Variants in NAA35 observed in about 807,000 individuals in gnomAD.
NAA35 encodes MAK10 homolog, amino-acid N-acetyltransferase subunit.
A neutral mutation model predicts 101.7 loss-of-function variants in NAA35; 18 were observed. That is an observed-to-expected ratio of 0.18 (90% CI 0.12 to 0.26). NAA35 has a LOEUF of 0.26. NAA35 is among the 10% of genes least tolerant of loss of function. The pLI is 1.00. For synonymous variants in NAA35, 267 were observed against 273.1 expected, an observed-to-expected ratio of 0.98 and a Z score of 0.22; for missense variants, 601 against 886.8, an observed-to-expected ratio of 0.68 and a Z score of 4.09.
chr9:86,017,321 T>G (rs1269692118), intron 18 of NAA35, among the ~76,000 whole-genome samples, 177 bp from the exon 19 acceptor site: 1 of 152,254 alleles, frequency 6.6e-6, no homozygotes. Context: ...GGGACATGAT[T>G]ATTATATTTT....
chr9:85,967,150 CAA>C (rs1029684134), intron 6 of NAA35, among the ~76,000 whole-genome samples: 1 of 151,488 alleles, frequency 6.6e-6, no homozygotes, highest in African/African-American at 2.4e-5. Flanking sequence ...ACAACAATAA[CAA>C]AAAAGGAAGT....
At chr9:85,982,740 T>C (rs985796215) in intron 11 of NAA35, among the ~76,000 whole-genome samples, 2 of 152,216 alleles carry the variant, frequency 1.3e-5, no homozygotes, top group African/African-American at 2.4e-5. Flanking sequence ...GTTGAACACA[T>C]GTATTTGCTT....
chr9:85,996,716 ACTACTCTTTGT>A (rs1275418049), intron 12 of NAA35, 139 bp downstream of exon 12: 14 of 569,926 alleles, frequency 2.5e-5, no homozygotes, highest in African/African-American at 2.1e-4. Context: ...AAGGGTAAAT[ACTACTCTTTGT>A]CTATTTTCTG....
intron 6 of NAA35, among the ~76,000 whole-genome samples, chr9:85,964,862 T>G (rs1002239064): frequency 6.6e-6 from 1 of 152,162 alleles, no homozygotes; most frequent in Non-Finnish European, 1.5e-5. Flanking sequence ...ATGGTTACTG[T>G]TTTTTTCCCT....
intron 17 of NAA35, chr9:86,014,194 C>T (rs955057952): frequency 6.5e-5 from 12 of 185,628 alleles, no homozygotes; most frequent in Non-Finnish European, 9.1e-5. Flanking sequence ...ACATTTTGCC[C>T]TGAATTTGGT....
intron 11 of NAA35, among the ~76,000 whole-genome samples, chr9:85,984,181 A>T (rs7873226): frequency 6.4e-4 from 97 of 152,286 alleles, no homozygotes; most frequent in African/African-American, 2.2e-3. Context: ...TTTAAAAATT[A>T]GCCAGGTGTG....
At chr9:85,968,518 T>C (rs1196609754) in intron 6 of NAA35, among the ~76,000 whole-genome samples, 1 of 152,172 alleles carries the variant, frequency 6.6e-6, no homozygotes, top group Non-Finnish European at 1.5e-5. Context: ...GCCAAATTTG[T>C]TATGTGAAAA....
chr9:85,975,775 C>G (rs1830186042), intron 8 of NAA35, among the ~76,000 whole-genome samples: 1 of 152,070 alleles, frequency 6.6e-6, no homozygotes, highest in African/African-American at 2.4e-5. Flanking sequence ...TTTTCTCCCA[C>G]TACTGTTTTG....
chr9:85,950,063 T>G (rs1828946427), intron 2 of NAA35, among the ~76,000 whole-genome samples: 1 of 152,198 alleles, frequency 6.6e-6, no homozygotes, highest in African/African-American at 2.4e-5. Context: ...ATCTTTCTCA[T>G]TAAATTTTTT....
chr9:85,991,613 A>G (rs1240243022), intron 11 of NAA35, among the ~76,000 whole-genome samples: 1 of 152,158 alleles, frequency 6.6e-6, no homozygotes, highest in Non-Finnish European at 1.5e-5. Flanking sequence ...GTGGGGTATC[A>G]GAGCTTAGAT....
intron 17 of NAA35, chr9:86,015,885 G>T: frequency 3.9e-6 from 2 of 519,452 alleles, no homozygotes; most frequent in Non-Finnish European, 4.9e-6. Context: ...TTGTAGGGTG[G>T]CAGGGAACAA....
chr9:86,009,909 C>T lies in NAA35; in HGVS notation c.1268C>T (p.Ser423Phe), dbSNP rs746141069. The T allele has an allele frequency of 1.2e-6, 2 of 1,613,238 alleles. No individual in the cohort carries two copies. Among genetic ancestry groups the T allele is most frequent in the African/African-American group, 1.3e-5 (1 of 74,984 alleles). ...CACCAGGCTAAGGACTGTATCGACTCCTTTGTTACTCACTGTGTTCGGGTA... is the reference window on the plus strand; with the variant it reads ...CACCAGGCTAAGGACTGTATCGACTTCTTTGTTACTCACTGTGTTCGGGTA... ...NNHQAKDCID[S>F]FVTHCVRPFC... Residue 423 changes from serine (S) to phenylalanine (F), a missense_variant, in exon 15 of 23, where the codon TCC (serine) becomes TTC (phenylalanine). Ser to Phe is a radical substitution (Grantham distance 155). This residue lies in a region of NAA35 where 190 missense variants were observed against 223.1 expected (regional missense o/e 0.85). Coordinates refer to ENST00000361671, the MANE Select transcript of NAA35 (RefSeq NM_024635.4).
chr9:85,991,786 A>G (rs10121871), intron 11 of NAA35, among the ~76,000 whole-genome samples: 3 of 152,188 alleles, frequency 2.0e-5, no homozygotes, highest in Admixed American at 1.3e-4. Context: ...TATTTGGGAA[A>G]GGGATCTTTA....
At chr9:86,020,809 T>G (rs1832502083) in intron 21 of NAA35, 80 bp from the exon 22 acceptor site, 1 of 1,060,470 alleles carries the variant, frequency 9.4e-7, no homozygotes, top group Admixed American at 2.0e-5. Flanking sequence ...CAGCCTGGGT[T>G]GACAGCAGGT....
At chr9:85,988,505 A>G (rs1376490387) in intron 11 of NAA35, among the ~76,000 whole-genome samples, 2 of 152,220 alleles carry the variant, frequency 1.3e-5, no homozygotes, top group Admixed American at 6.5e-5. Flanking sequence ...GAAAAGCCGT[A>G]AAGGACATGG....
chr9:85,986,582 G>A (rs919965084), intron 11 of NAA35: 16 of 312,444 alleles, frequency 5.1e-5, no homozygotes, highest in Middle Eastern at 1.1e-3. Flanking sequence ...TAGATCAGAG[G>A]TGTCCAATCT....
chr9:85,986,698 C>T, intron 11 of NAA35: 1 of 310,370 alleles, frequency 3.2e-6, no homozygotes, highest in Non-Finnish European at 6.3e-6. Context: ...GATTCTCTTA[C>T]CTCACCCTCC....
At chr9:85,989,475 CAAA>C (rs899677454) in intron 11 of NAA35, among the ~76,000 whole-genome samples, 125 of 150,566 alleles carry the variant, frequency 8.3e-4, no homozygotes, top group Non-Finnish European at 1.6e-3. Flanking sequence ...TGTCAAAAAA[CAAA>C]AAACAAACAA....
intron 11 of NAA35, among the ~76,000 whole-genome samples, chr9:85,981,682 A>G (rs1184809656): frequency 6.6e-6 from 1 of 152,182 alleles, no homozygotes; most frequent in East Asian, 1.9e-4. Context: ...CGACTAAGCA[A>G]GTGAAATTTT....
Sources: allele counts gnomAD v4.1 joint callset (sites outside exome capture counted in the v4.1 genomes callset), GRCh38; gene constraint gnomAD v4.1.1; regional missense constraint gnomAD v4.1.1; transcripts MANE v1.5; gene names NCBI Gene and HGNC (gene_info 2026-07-23, HGNC 2026-07-21).